Variants in ZNF24 observed in about 807,000 individuals in gnomAD.
ZNF24 encodes the protein retinoic acid suppression protein A.
A neutral mutation model predicts 40.9 loss-of-function variants in ZNF24; 11 were observed. The observed-to-expected ratio is 0.27, with a 90% CI of 0.17 to 0.45. The LOEUF is 0.45. Among genes scored for constraint, ZNF24 ranks in the 20% least tolerant of loss-of-function variants. ZNF24 has a pLI of 1.00. For synonymous variants in ZNF24, 139 were observed against 154.7 expected (o/e 0.90, Z 0.75); for missense variants, 293 against 437.7 (o/e 0.67, Z 2.95).
chr18:35,340,188 A>G lies in ZNF24; in HGVS notation c.420+43T>C. The G allele has an allele frequency of 1.3e-6, 2 of 1,593,788 alleles. No homozygotes were observed. On this transcript the variant is annotated intron_variant, in intron 2 of 3. Coordinates refer to ENST00000261332, the MANE Select transcript of ZNF24 (RefSeq NM_006965.4). This position sits in a 1 kb window ranked among gnomAD's most constrained non-coding sequence, Gnocchi z 4.6. ...AATTCAGCAGCTTTGCCTACTACCT[A>G]TGCCAGTGCTTCTGACACAGGAAAT...
rs767038712 is a variant in ZNF24 at position 35,339,924 on chromosome 18, T to C, written c.473A>G (p.Gln158Arg). 36 of 1,612,594 alleles carry C rather than the reference T, an allele frequency of 2.2e-5. No homozygotes were observed. The highest frequency in any genetic ancestry group is 3.1e-5 in the Non-Finnish European group (36 of 1,178,754). ...ACTTGGTAATCCCTGAGCTTCTTCT[T>C]GAGATACCATGTCTTCTACTAGTAC... ...REVLVEDMVS[Q>R]EEAQGLPSSE... Residue 158 changes from glutamine (Q) to arginine (R), a missense_variant, in exon 3 of 4, where the codon CAA (glutamine) becomes CGA (arginine). Around this residue, in one of 2 missense-constraint regions of ZNF24, gnomAD observed 234 missense variants for 299.2 expected, o/e 0.78. Transcript: ENST00000261332.
rs1340295864 is a variant in ZNF24, at chr18:35,337,456, C to A, written c.883G>T (p.Val295Leu). Reference sequence around the variant, plus strand: ...CCAGTGTGGACTCTCTGGTGTTGCACAAGAATGGAACTTCGGCTGAATGCT... The same window carrying A: ...CCAGTGTGGACTCTCTGGTGTTGCAAAAGAATGGAACTTCGGCTGAATGCT... The part of the protein sequence containing the change: ...GKAFSRSSIL[V>L]QHQRVHTGEK... The change falls in exon 4 of 4, where the codon GTG (valine) becomes TTG (leucine). Residue 295 changes from valine (V) to leucine (L), a missense_variant. Physicochemically the swap from Val to Leu is conservative, Grantham distance 32. Transcript: ENST00000261332. 3.1e-6 allele frequency: 5 copies of A among 1,613,338 alleles called. No homozygotes were observed. The highest frequency in any genetic ancestry group is 4.2e-6 in the Non-Finnish European group (5 of 1,179,490).
rs181475338 is a variant in ZNF24, at chr18:35,343,028, C to T, written c.-84+1332G>A. ...CACAAGTCAACTCAAAAGGAAGGTT[C>T]GCTTTATTATTATGTGCTTAAAAAA... is the stretch of plus-strand genomic sequence containing the variant. On this transcript the variant is annotated intron_variant, in intron 1 of 3. Transcript: ENST00000261332. Among the ~76,000 whole-genome samples, 46 of 152,134 alleles carry T rather than the reference C, an allele frequency of 3.0e-4. 1 individual carries two copies. The highest frequency in any genetic ancestry group is 2.9e-3 in the Admixed American group (44 of 15,286).
intron 3 of ZNF24, among the ~76,000 whole-genome samples, chr18:35,339,290 C>CT (rs1291566052): frequency 4.6e-5 from 7 of 152,004 alleles, no homozygotes; most frequent in Admixed American, 4.6e-4. Flanking sequence ...GCTAAGGAGG[C>CT]TTTTTTTGCA....
chr18:35,334,659 G>C lies in ZNF24; in HGVS notation c.*2573C>G, dbSNP rs202083661. 3 of 26,804 alleles carry C rather than the reference G, an allele frequency of 1.1e-4. No individual in the cohort carries two copies. Among genetic ancestry groups the C allele is most frequent in the African/African-American group, 4.9e-4 (3 of 6,116 alleles). The allele number at this position is 26,804 out of a possible 1,614,324, so 1.7% of individuals were successfully genotyped here. A position where few individuals can be genotyped will look rare whatever the true frequency, so the allele number is the denominator to read the frequency against. ...GATACTCTGGCGATGCCACTGCTTG[G>C]CACTGCCATATCACCACTTCATCAG... On this transcript the variant is annotated 3_prime_UTR_variant, in exon 4 of 4. Transcript: ENST00000261332.
Position 35,340,660 on chromosome 18 carries a change from T to C in ZNF24, c.-10A>G, listed in dbSNP as rs771550598. The C allele has an allele frequency of 7.2e-5, 115 of 1,605,292 alleles. No homozygotes were observed. Among genetic ancestry groups the C allele is most frequent in the Admixed American group, 5.1e-5 (3 of 59,360 alleles). ...CTGACTGTGCAGACATTCTGATTTA[T>C]AATATTTCAAGAAAAGACAACTGAG... On this transcript the variant is annotated 5_prime_UTR_variant, in exon 2 of 4. Transcript: ENST00000261332. The surrounding 1 kb of genome is among the most constrained non-coding windows in gnomAD (Gnocchi z 4.6).
rs778002882 is a variant in ZNF24 at position 35,340,570 on chromosome 18, C to A, written c.81G>T (p.Lys27Asn). Residue 27 changes from lysine to asparagine, a missense_variant, in exon 2 of 4, where the codon AAG becomes AAT. By Grantham distance (94) the Lys-to-Asn change is moderately conservative. This residue lies in a region of ZNF24 where 234 missense variants were observed against 299.2 expected (regional missense o/e 0.78). Coordinates refer to ENST00000261332, the MANE Select transcript of ZNF24 (RefSeq NM_006965.4). The surrounding 1 kb of genome is among the most constrained non-coding windows in gnomAD (Gnocchi z 4.6). ...PDEEEKILRV[K>N]LEEDPDGEEG... ...CTTCGCCATCAGGATCCTCCTCCAA[C>A]TTCACTCTCAGAATTTTTTCCTCTT... 1 of 1,614,218 alleles carries A rather than the reference C, an allele frequency of 6.2e-7. No individual in the cohort carries two copies. Among genetic ancestry groups the A allele is most frequent in the East Asian group, 2.2e-5 (1 of 44,882 alleles).
chr18:35,343,180 C>G (rs1235777300), intron 1 of ZNF24, among the ~76,000 whole-genome samples: 2 of 151,034 alleles, frequency 1.3e-5, no homozygotes, highest in African/African-American at 4.8e-5. Flanking sequence ...TGAAAAACAT[C>G]ACATAATTTT....
chr18:35,338,813 A>G, intron 3 of ZNF24: 2 of 1,344,450 alleles, frequency 1.5e-6, no homozygotes, highest in Non-Finnish European at 1.9e-6. Context: ...GAAATAAGGA[A>G]CGCAGGTGAA....
chr18:35,341,249 A>G (rs1358070631), intron 1 of ZNF24, among the ~76,000 whole-genome samples: 8 of 152,328 alleles, frequency 5.3e-5, no homozygotes, highest in Middle Eastern at 3.4e-3. Flanking sequence ...CAGTGCTCCC[A>G]TAAGATTATA....
intron 1 of ZNF24, among the ~76,000 whole-genome samples, chr18:35,343,101 T>G (rs2044984265): frequency 6.6e-6 from 1 of 152,250 alleles, no homozygotes; most frequent in African/African-American, 2.4e-5. Context: ...TAAGAACTCC[T>G]TGGACTTATA....
chr18:35,343,258 T>A (rs2044985676), intron 1 of ZNF24, among the ~76,000 whole-genome samples: 1 of 152,222 alleles, frequency 6.6e-6, no homozygotes, highest in Non-Finnish European at 1.5e-5. Flanking sequence ...CATTTATATT[T>A]ATAATGATAG....
Position 35,336,725 on chromosome 18 carries a change from C to T in ZNF24, c.*507G>A, listed in dbSNP as rs1208479191. The T allele has an allele frequency of 6.6e-6, 1 of 152,108 alleles. No homozygotes were observed. The highest frequency in any genetic ancestry group is 6.6e-5 in the Admixed American group (1 of 15,244). The allele number at this position is 152,108 out of a possible 1,614,324, so 9.4% of individuals were successfully genotyped here. A position where few individuals can be genotyped will look rare whatever the true frequency, so the allele number is the denominator to read the frequency against. ...TTATGGTTCATTTTGAGGCTCTTAG[C>T]CATCCTTTATCCTCTTATTTTCTCA... On this transcript the variant is annotated 3_prime_UTR_variant, in exon 4 of 4. Coordinates refer to ENST00000261332, the MANE Select transcript of ZNF24 (RefSeq NM_006965.4).
Position 35,334,373 on chromosome 18 carries a change from C to CT in ZNF24, c.*2858dup, listed in dbSNP as rs1324451084. On this transcript the variant is annotated 3_prime_UTR_variant, in exon 4 of 4. Coordinates refer to ENST00000261332, the MANE Select transcript of ZNF24 (RefSeq NM_006965.4). ...CACATGATCTCTGAATCTTGCTTTCCTAGTCCACAAATCTAAGTGAGATAG... is the reference window on the plus strand; with the variant it reads ...CACATGATCTCTGAATCTTGCTTTCCTTAGTCCACAAATCTAAGTGAGATAG... 6.6e-6 allele frequency: 1 copy of CT among 152,172 alleles called. No individual in the cohort carries two copies. Among genetic ancestry groups the CT allele is most frequent in the African/African-American group, 2.4e-5 (1 of 41,424 alleles). 9.4% of individuals were successfully genotyped at this position (152,172 alleles called of 1,614,324 possible).
rs1449819303 is a variant in ZNF24 at position 35,335,269 on chromosome 18, C to T, written c.*1963G>A. Reference sequence around the variant, plus strand: ...AGCTTTATTGGACACTGACTTGTTTCCCCTCAGCCACAAAGAGAAAAAGAC... The same window carrying T: ...AGCTTTATTGGACACTGACTTGTTTTCCCTCAGCCACAAAGAGAAAAAGAC... On this transcript the variant is annotated 3_prime_UTR_variant, in exon 4 of 4. Coordinates refer to ENST00000261332, the MANE Select transcript of ZNF24 (RefSeq NM_006965.4). The T allele has an allele frequency of 2.0e-5, 3 of 152,136 alleles. No homozygotes were observed. Among genetic ancestry groups the T allele is most frequent in the Non-Finnish European group, 2.9e-5 (2 of 68,010 alleles). The allele number at this position is 152,136 out of a possible 1,614,324, so 9.4% of individuals were successfully genotyped here.
In ZNF24 at chr18:35,337,415, T is replaced by G. The variant is rs1249372308; in HGVS notation, c.924A>C (p.Lys308Asn). The G allele has an allele frequency of 6.2e-7, 1 of 1,613,892 alleles. No individual in the cohort carries two copies. Among genetic ancestry groups the G allele is most frequent in the Non-Finnish European group, 8.5e-7 (1 of 1,179,948 alleles). Residue 308 changes from lysine (K) to asparagine (N), a missense_variant, in exon 4 of 4, where the codon AAA becomes AAC. Transcript: ENST00000261332. ...QRVHTGEKPYKCLECGKAFSQ... is the reference protein window; with the variant it reads ...QRVHTGEKPYNCLECGKAFSQ... The stretch of plus-strand genomic sequence containing the variant: ...TAAAGGCTTTCCCACATTCAAGACA[T>G]TTGTAAGGTTTTTCTCCAGTGTGGA...
rs1223342884 is a variant in ZNF24, at chr18:35,334,673, C to G, written c.*2559G>C. 2 of 152,164 alleles carry G rather than the reference C, an allele frequency of 1.3e-5. No individual in the cohort carries two copies. The highest frequency in any genetic ancestry group is 2.9e-5 in the Non-Finnish European group (2 of 68,036). The allele number at this position is 152,164 out of a possible 1,614,324, so 9.4% of individuals were successfully genotyped here. On this transcript the variant is annotated 3_prime_UTR_variant, in exon 4 of 4. Transcript: ENST00000261332. ...GCCACTGCTTGGCACTGCCATATCA[C>G]CACTTCATCAGAAGCTAGGCACTCC...
rs1453269728 is a variant in ZNF24 at position 35,333,031 on chromosome 18, TAC to T, written c.*4199_*4200del. The T allele has an allele frequency of 3.3e-5, 5 of 151,980 alleles. No homozygotes were observed. Among genetic ancestry groups the T allele is most frequent in the Admixed American group, 1.3e-4 (2 of 15,252 alleles). 9.4% of individuals were successfully genotyped at this position (151,980 alleles called of 1,614,324 possible). ...ACATTCTCCATACACTTGGTGAAAA[TAC>T]AGTTATGAAGGCCTTTGGGAAGACT... On this transcript the variant is annotated 3_prime_UTR_variant, in exon 4 of 4. Coordinates refer to ENST00000261332, the MANE Select transcript of ZNF24 (RefSeq NM_006965.4).
chr18:35,343,486 T>C (rs1476224143), intron 1 of ZNF24, among the ~76,000 whole-genome samples: 2 of 152,174 alleles, frequency 1.3e-5, no homozygotes, highest in African/African-American at 4.8e-5. Flanking sequence ...ATTCAGCCTA[T>C]TTATTTATTC....
Sources: gnomAD v4.1 joint callset for allele counts (sites outside exome capture counted in the v4.1 genomes callset) on GRCh38, gnomAD v4.1.1 for gene constraint, gnomAD v4.1.1 regional missense constraint, Gnocchi (gnomAD v3.1) non-coding constraint, MANE v1.5 for transcripts, NCBI Gene and HGNC (gene_info 2026-07-23, HGNC 2026-07-21) for gene names.